KCNIP3: variants seen among roughly 807,000 people sequenced by gnomAD.
KCNIP3 encodes the protein potassium voltage-gated channel interacting protein 3.
KCNIP3 carries 28 observed loss-of-function variants against 35.0 expected under a neutral mutation model. The observed-to-expected ratio is 0.80, with a 90% confidence interval of 0.59 to 1.10. The LOEUF is 1.10. Among genes scored for constraint, KCNIP3 ranks in the 50% least tolerant of loss-of-function variants. The pLI, the probability that KCNIP3 is intolerant of heterozygous loss-of-function variation, is 0.00. For missense variants in KCNIP3, 295 were observed against 338.4 expected (o/e 0.87, Z 1.01); for synonymous variants, 134 against 133.8 (o/e 1.00, Z -0.01).
At chr2:95,337,891 G>A (rs568287770) in intron 2 of KCNIP3, among the ~76,000 whole-genome samples, 2 of 152,228 alleles carry the variant, frequency 1.3e-5, no homozygotes, top group Non-Finnish European at 1.5e-5. Context: ...CGGGCAGCTA[G>A]GCTGGGGGTG....
intron 2 of KCNIP3, among the ~76,000 whole-genome samples, chr2:95,334,054 C>T (rs1485353699): frequency 2.0e-5 from 3 of 152,082 alleles, no homozygotes; most frequent in African/African-American, 7.2e-5. Flanking sequence ...GGCTCAAGTT[C>T]AAACAAAGAA....
At position 95,310,463 on chromosome 2, in the gene KCNIP3, T is replaced by G. The variant is rs1678283936; in HGVS notation, c.124T>G (p.Leu42Val). 6.2e-7 allele frequency: 1 copy of G among 1,613,682 alleles called. No homozygotes were observed. The highest frequency in any genetic ancestry group is 8.5e-7 in the Non-Finnish European group (1 of 1,179,898). ...WQRPRLSRQALMRCCLVKWIL... is the reference protein window; with the variant it reads ...WQRPRLSRQAVMRCCLVKWIL... ...GAGGCCGAGGCTCAGCCGCCAGGCTTTGATGAGATGCTGCCTGGTCAAGTG... is the reference window on the plus strand; with the variant it reads ...GAGGCCGAGGCTCAGCCGCCAGGCTGTGATGAGATGCTGCCTGGTCAAGTG... The change falls in exon 2 of 9, where the codon TTG becomes GTG. Residue 42 changes from leucine (L) to valine (V), a missense_variant. By Grantham distance (32) the Leu-to-Val change is conservative. Transcript: ENST00000295225.
intron 1 of KCNIP3, among the ~76,000 whole-genome samples, chr2:95,306,989 C>T (rs1193425223): frequency 5.9e-5 from 9 of 152,166 alleles, no homozygotes; most frequent in African/African-American, 2.2e-4. Context: ...GCCCAGGCCG[C>T]AGCCTGATGA....
intron 2 of KCNIP3, among the ~76,000 whole-genome samples, chr2:95,362,744 CGCCCACCTCCTGCTGTGCA>C (rs1442296194): frequency 3.3e-5 from 5 of 152,154 alleles, no homozygotes; most frequent in Non-Finnish European, 7.4e-5. Flanking sequence ...GCTCACCTGC[CGCCCACCTCCTGCTGTGCA>C]GCCCAGTTCC....
At chr2:95,301,287 G>A (rs1678021592) in intron 1 of KCNIP3, among the ~76,000 whole-genome samples, 1 of 152,266 alleles carries the variant, frequency 6.6e-6, no homozygotes, top group South Asian at 2.1e-4. Flanking sequence ...ACTGCCAGCA[G>A]TGCCCCACAT....
intron 5 of KCNIP3, among the ~76,000 whole-genome samples, chr2:95,380,586 C>G (rs1256711201): frequency 2.6e-5 from 4 of 152,178 alleles, no homozygotes; most frequent in Non-Finnish European, 5.9e-5. Flanking sequence ...TGCTTTCTAC[C>G]AACTGCTGTA....
intron 2 of KCNIP3, among the ~76,000 whole-genome samples, chr2:95,373,994 G>T (rs1186111046): frequency 6.6e-6 from 1 of 152,216 alleles, no homozygotes; most frequent in Non-Finnish European, 1.5e-5. Context: ...CTTGTTCAGT[G>T]CCTCTTTAGG....
chr2:95,381,444 C>G, intron 5 of KCNIP3, 152 bp from the exon 6 acceptor site: 1 of 628,352 alleles, frequency 1.6e-6, no homozygotes, highest in Admixed American at 2.5e-5. Context: ...GGCACACACT[C>G]ACCCTGTGCT....
chr2:95,305,519 C>T (rs1678144862), intron 1 of KCNIP3, among the ~76,000 whole-genome samples: 2 of 152,146 alleles, frequency 1.3e-5, no homozygotes, highest in Admixed American at 6.5e-5. Flanking sequence ...CACTCATTTC[C>T]GTGTGCATTT....
intron 1 of KCNIP3, chr2:95,310,099 TC>T: frequency 1.6e-6 from 1 of 620,502 alleles, no homozygotes. Flanking sequence ...ACTGCTGACA[TC>T]CCCTCTCTGC....
chr2:95,333,984 G>T (rs1678995169), intron 2 of KCNIP3, among the ~76,000 whole-genome samples: 1 of 152,228 alleles, frequency 6.6e-6, no homozygotes, highest in Non-Finnish European at 1.5e-5. Flanking sequence ...CACTGCAGAA[G>T]CTGAGATCCT....
chr2:95,321,030 CCCA>C (rs1558761999), intron 2 of KCNIP3, among the ~76,000 whole-genome samples: 2 of 139,266 alleles, frequency 1.4e-5, no homozygotes. Context: ...GCCTCTCCTC[CCCA>C]CACCCCCAGC....
At chr2:95,314,952 G>A (rs1041375504) in intron 2 of KCNIP3, among the ~76,000 whole-genome samples, 7 of 152,200 alleles carry the variant, frequency 4.6e-5, no homozygotes, top group Admixed American at 1.3e-4. Flanking sequence ...AACCCGCAAC[G>A]GCTGCCAGAA....
At chr2:95,303,288 G>C (rs919857040) in intron 1 of KCNIP3, 4 of 152,338 alleles carry the variant, frequency 2.6e-5, no homozygotes, top group African/African-American at 9.6e-5. Flanking sequence ...AGAGTGTAGG[G>C]AGCCACGAGG....
intron 2 of KCNIP3, among the ~76,000 whole-genome samples, chr2:95,343,487 G>T (rs1240905894): frequency 6.6e-6 from 1 of 152,138 alleles, no homozygotes; most frequent in Non-Finnish European, 1.5e-5. Flanking sequence ...CCAGTGTGCT[G>T]AGCTGTTTTC....
At chr2:95,327,715 G>A (rs1296629519) in intron 2 of KCNIP3, among the ~76,000 whole-genome samples, 3 of 152,190 alleles carry the variant, frequency 2.0e-5, no homozygotes. Context: ...ATCTTCCAGG[G>A]GAAGAGCTTG....
At chr2:95,353,017 CA>C (rs1679565597) in intron 2 of KCNIP3, among the ~76,000 whole-genome samples, 1 of 152,330 alleles carries the variant, frequency 6.6e-6, no homozygotes, top group Admixed American at 6.5e-5. Flanking sequence ...CACTCTATCC[CA>C]ATGCCTATAG....
chr2:95,347,082 C>T (rs1172618361), intron 2 of KCNIP3: 3 of 1,612,180 alleles, frequency 1.9e-6, no homozygotes, highest in Non-Finnish European at 2.5e-6. Flanking sequence ...TCATCGCCGT[C>T]CTCAAGCAGT....
chr2:95,325,176 G>A (rs147726920), intron 2 of KCNIP3, among the ~76,000 whole-genome samples: 8 of 152,318 alleles, frequency 5.3e-5, no homozygotes, highest in Non-Finnish European at 1.0e-4. Flanking sequence ...CCCAACTCGG[G>A]TGGCTGAGAG....
Sources: allele counts gnomAD v4.1 joint callset (sites outside exome capture counted in the v4.1 genomes callset), GRCh38; gene constraint gnomAD v4.1.1; transcripts MANE v1.5; gene names NCBI Gene and HGNC (gene_info 2026-07-23, HGNC 2026-07-21).